RALYL: variants seen among roughly 807,000 people sequenced by gnomAD.
RALYL encodes RNA-binding Raly-like protein.
Under a neutral mutation model 35.1 loss-of-function variants are expected in RALYL, and 29 were observed. That is an observed-to-expected ratio of 0.83 (90% CI 0.61 to 1.13). RALYL has a LOEUF of 1.13. Among genes scored for constraint, RALYL ranks in the 50% most tolerant of loss-of-function variants. RALYL has a pLI of 0.00. For missense variants in RALYL, 359 were observed against 360.4 expected (o/e 1.00, Z 0.03); for synonymous variants, 120 against 127.6 (o/e 0.94, Z 0.40).
At chr8:84,251,238 G>A (rs1253356692) in intron 1 of RALYL, among the ~76,000 whole-genome samples, 5 of 152,106 alleles carry the variant, frequency 3.3e-5, no homozygotes, top group Non-Finnish European at 7.4e-5. Context: ...CATCAAGGTT[G>A]TGAAATGTAG....
At chr8:84,456,293 C>T (rs1018308269) in intron 1 of RALYL, among the ~76,000 whole-genome samples, 3 of 151,978 alleles carry the variant, frequency 2.0e-5, no homozygotes, top group African/African-American at 7.2e-5. Flanking sequence ...AAGCACTGCA[C>T]ATTAATTAAC....
chr8:84,198,730 A>C (rs955260041), intron 1 of RALYL, among the ~76,000 whole-genome samples: 4 of 152,136 alleles, frequency 2.6e-5, no homozygotes, highest in African/African-American at 9.7e-5. Flanking sequence ...TCCCCAGAAT[A>C]AGTAAGAATA....
chr8:84,610,846 A>C (rs1285314243), intron 2 of RALYL, among the ~76,000 whole-genome samples: 1 of 152,128 alleles, frequency 6.6e-6, no homozygotes, highest in Non-Finnish European at 1.5e-5. Flanking sequence ...GTTCCTGTGC[A>C]CTTCGACGTC....
At chr8:84,467,067 AT>A (rs1190625359) in intron 1 of RALYL, among the ~76,000 whole-genome samples, 13 of 151,710 alleles carry the variant, frequency 8.6e-5, no homozygotes, top group African/African-American at 3.2e-4. Context: ...CGGTCTATCA[AT>A]TTTGTTGATC....
intron 2 of RALYL, among the ~76,000 whole-genome samples, chr8:84,761,722 A>G (rs2133373578): frequency 6.6e-6 from 1 of 152,266 alleles, no homozygotes; most frequent in East Asian, 1.9e-4. Flanking sequence ...ATTAAGCTCC[A>G]TCTATGAGTC....
chr8:84,773,950 G>A (rs752890165), intron 2 of RALYL, among the ~76,000 whole-genome samples: 8 of 152,066 alleles, frequency 5.3e-5, no homozygotes, highest in South Asian at 2.1e-4. Flanking sequence ...CAGTCACAGC[G>A]GCTCACACCT....
chr8:84,537,590 T>C (rs1179511085), intron 2 of RALYL, among the ~76,000 whole-genome samples: 1 of 152,158 alleles, frequency 6.6e-6, no homozygotes, highest in East Asian at 1.9e-4. Context: ...ATCACTTTTG[T>C]TTCATCTTTT....
At chr8:84,647,895 T>C (rs185701092) in intron 2 of RALYL, among the ~76,000 whole-genome samples, 3 of 152,230 alleles carry the variant, frequency 2.0e-5, no homozygotes, top group African/African-American at 7.2e-5. Context: ...TGTGAGTTAG[T>C]GCAAGGTGCT....
chr8:84,728,699 C>T (rs1287751762), intron 2 of RALYL, among the ~76,000 whole-genome samples: 1 of 152,054 alleles, frequency 6.6e-6, no homozygotes, highest in Non-Finnish European at 1.5e-5. Flanking sequence ...ATATGGCTAG[C>T]CAGTTTTCCC....
chr8:84,189,481 A>G (rs1813338274), intron 1 of RALYL, among the ~76,000 whole-genome samples: 1 of 152,134 alleles, frequency 6.6e-6, no homozygotes, highest in Admixed American at 6.5e-5. Context: ...AGGAACGGCT[A>G]TTTTTTCATT....
intron 1 of RALYL, among the ~76,000 whole-genome samples, chr8:84,273,762 T>C (rs926124016): frequency 6.6e-6 from 1 of 152,182 alleles, no homozygotes; most frequent in Non-Finnish European, 1.5e-5. Context: ...GCAAGAGCCT[T>C]TTTATTAAAA....
chr8:84,653,701 C>T (rs1348078106), intron 2 of RALYL, among the ~76,000 whole-genome samples: 1 of 148,812 alleles, frequency 6.7e-6, no homozygotes, highest in Admixed American at 6.7e-5. Context: ...TGACATACCT[C>T]CATAAAACAG....
chr8:84,408,160 C>A (rs112101679), intron 1 of RALYL, among the ~76,000 whole-genome samples: 1 of 151,662 alleles, frequency 6.6e-6, no homozygotes, highest in East Asian at 1.9e-4. Context: ...AAATGTCATC[C>A]ACATGGGATT....
At chr8:84,841,931 T>A (rs1269147245) in intron 4 of RALYL, among the ~76,000 whole-genome samples, 1 of 151,976 alleles carries the variant, frequency 6.6e-6, no homozygotes, top group Non-Finnish European at 1.5e-5. Flanking sequence ...GAGAACAAAG[T>A]CACAACATAC....
At chr8:84,835,841 G>A (rs1831912088) in intron 4 of RALYL, among the ~76,000 whole-genome samples, 1 of 151,920 alleles carries the variant, frequency 6.6e-6, no homozygotes, top group Non-Finnish European at 1.5e-5. Context: ...CTGCCTGAGA[G>A]CAAGGAGATT....
intron 8 of RALYL, among the ~76,000 whole-genome samples, chr8:84,900,890 T>A (rs1437406241): frequency 3.3e-5 from 5 of 152,146 alleles, no homozygotes; most frequent in Non-Finnish European, 7.4e-5. Flanking sequence ...AGAGAGAGAT[T>A]GAACTCAGCT....
At chr8:84,361,029 A>G (rs1038276165) in intron 1 of RALYL, among the ~76,000 whole-genome samples, 12 of 151,894 alleles carry the variant, frequency 7.9e-5, no homozygotes, top group Admixed American at 7.2e-4. Flanking sequence ...GTGTTTCTTG[A>G]GATGGATTAG....
intron 1 of RALYL, among the ~76,000 whole-genome samples, chr8:84,222,347 C>A (rs1822443741): frequency 6.6e-6 from 1 of 152,084 alleles, no homozygotes; most frequent in African/African-American, 2.4e-5. Context: ...TGTTAACACA[C>A]TAATTTTATT....
chr8:84,756,842 A>G (rs900998116), intron 2 of RALYL, among the ~76,000 whole-genome samples: 3 of 152,016 alleles, frequency 2.0e-5, no homozygotes, highest in African/African-American at 7.2e-5. Context: ...ACATAATGGA[A>G]GCATATTTTG....
Sources: allele counts gnomAD v4.1 joint callset (sites outside exome capture counted in the v4.1 genomes callset), GRCh38; gene constraint gnomAD v4.1.1; transcripts MANE v1.5; gene names NCBI Gene and HGNC (gene_info 2026-07-23, HGNC 2026-07-21).